LRP2: variants seen among roughly 807,000 people sequenced by gnomAD.
LRP2 encodes the protein LDL receptor related protein 2.
A neutral mutation model predicts 531.0 loss-of-function variants in LRP2; 172 were observed. The observed-to-expected ratio is 0.32, with a 90% CI of 0.29 to 0.37. The LOEUF is 0.37. LRP2 is among the 10% of genes least tolerant of loss of function. The probability of loss-of-function intolerance (pLI) is 1.00; values close to 1 mark genes in which losing one functional copy is unlikely to be tolerated. For synonymous variants in LRP2, 1,992 were observed against 2,027.6 expected (o/e 0.98, Z 0.47); for missense variants, 5,167 against 5,868.3 (o/e 0.88, Z 3.90).
rs775585972 is a variant in LRP2 at position 169,140,475 on chromosome 2, C to G, written c.13179G>C (p.Glu4393Asp). ...CTTACTTGCATTTGGGGAGGTCAGT[C>G]TCATCAAAATAGCAATTTCCTCCGT... ...CMHGGNCYFD[E>D]TDLPKCKCPS... is the part of the protein sequence containing the mutation. The change falls in exon 72 of 79, where the codon GAG becomes GAC. Residue 4393 changes from glutamate (E) to aspartate (D), a missense_variant. By Grantham distance (45) the Glu-to-Asp change is conservative. Transcript: ENST00000649046. 7 of 1,614,096 alleles carry G rather than the reference C, an allele frequency of 4.3e-6. No homozygotes were observed. Among genetic ancestry groups the G allele is most frequent in the East Asian group, 2.2e-5 (1 of 44,888 alleles).
rs200563635 is a variant in LRP2 at position 169,177,994 on chromosome 2, G to C, written c.10202C>G (p.Thr3401Arg). 59 of 1,613,942 alleles carry C rather than the reference G, an allele frequency of 3.7e-5. 1 individual carries two copies. Among genetic ancestry groups the C allele is most frequent in the South Asian group, 2.0e-4 (18 of 91,076 alleles). ...YSDLEGHHRH[T>R]VYDGALPHPF... ...GTGAGGCAGTGCCCCATCATACACC[G>C]TGTGTCGATGGTGGCCCTCCAAATC... Residue 3401 changes from threonine to arginine, a missense_variant, in exon 53 of 79, where the codon ACG (threonine) becomes AGG (arginine). Coordinates refer to ENST00000649046, the MANE Select transcript of LRP2 (RefSeq NM_004525.3).
intron 1 of LRP2, among the ~76,000 whole-genome samples, chr2:169,321,332 A>G (rs1327802505): frequency 2.0e-5 from 3 of 152,178 alleles, no homozygotes; most frequent in Non-Finnish European, 4.4e-5. Flanking sequence ...ATTTGTTTAC[A>G]TCTTTATATT....
intron 53 of LRP2, 24 bp from the exon 54 acceptor site, chr2:169,176,612 G>T: frequency 6.2e-7 from 1 of 1,607,292 alleles, no homozygotes; most frequent in South Asian, 1.1e-5. Flanking sequence ...AAGAAAATAT[G>T]TGTTCATTTG....
intron 67 of LRP2, among the ~76,000 whole-genome samples, chr2:169,152,561 C>T (rs1186815177): frequency 6.6e-6 from 1 of 152,070 alleles, no homozygotes; most frequent in African/African-American, 2.4e-5. Context: ...GACCTGGGTG[C>T]TTTCCCAATT....
At chr2:169,361,360 C>CTCTCTCTG (rs1686151143) in intron 1 of LRP2, among the ~76,000 whole-genome samples, 11 of 94,530 alleles carry the variant, frequency 1.2e-4, no homozygotes, top group South Asian at 3.2e-4. Context: ...GTCTCTCTCT[C>CTCTCTCTG]TCTCTCTCTC....
chr2:169,216,790 C>T (rs1301652911), intron 34 of LRP2, among the ~76,000 whole-genome samples: 1 of 152,124 alleles, frequency 6.6e-6, no homozygotes, highest in Non-Finnish European at 1.5e-5. Flanking sequence ...AAGGCCAAAG[C>T]TAATATAAAA....
chr2:169,178,152 C>T (rs1197411985), intron 52 of LRP2, 126 bp from the exon 53 acceptor site: 1 of 738,892 alleles, frequency 1.4e-6, no homozygotes, highest in Non-Finnish European at 2.4e-6. Context: ...TTCAGATCCT[C>T]AAAACTCCTA....
chr2:169,329,123 A>T (rs1243880419), intron 1 of LRP2, among the ~76,000 whole-genome samples: 1 of 152,366 alleles, frequency 6.6e-6, no homozygotes, highest in Middle Eastern at 3.4e-3. Flanking sequence ...GGCGAAAAAA[A>T]TAACACTACA....
intron 3 of LRP2, among the ~76,000 whole-genome samples, chr2:169,311,137 T>C (rs748337467): frequency 1.1e-4 from 17 of 152,126 alleles, no homozygotes; most frequent in Admixed American, 3.3e-4. Flanking sequence ...TTTGTTGATC[T>C]TTTCAAAAAA....
intron 49 of LRP2, among the ~76,000 whole-genome samples, chr2:169,186,343 G>A (rs906259754): frequency 7.9e-5 from 12 of 152,156 alleles, no homozygotes; most frequent in Admixed American, 7.9e-4. Flanking sequence ...GCATGTTCCA[G>A]TGTGACTGTT....
chr2:169,264,525 CA>C (rs1690713926), intron 16 of LRP2, among the ~76,000 whole-genome samples: 2 of 151,996 alleles, frequency 1.3e-5, no homozygotes, highest in African/African-American at 4.8e-5. Flanking sequence ...ATTGACAAAC[CA>C]AACATGTTTA....
chr2:169,198,687 A>G, intron 45 of LRP2, 99 bp downstream of exon 45: 1 of 1,417,138 alleles, frequency 7.1e-7, no homozygotes, highest in Non-Finnish European at 9.8e-7. Context: ...GTGAAATGAC[A>G]ATTGAAATCA....
At position 169,310,369 on chromosome 2, in the gene LRP2, C is replaced by T. The variant is rs185397935; in HGVS notation, c.311-2972G>A. Among the ~76,000 whole-genome samples, 397 of 152,216 alleles carry T rather than the reference C, an allele frequency of 2.6e-3. 2 individuals carry two copies. The highest frequency in any genetic ancestry group is 9.0e-3 in the African/African-American group (372 of 41,544). ...AAATAGCTCTTATTATTTTGAGATA[C>T]GTCCCATTGATACCTAATTTATTGA... On this transcript the variant is annotated intron_variant, in intron 3 of 78. Coordinates refer to ENST00000649046, the MANE Select transcript of LRP2 (RefSeq NM_004525.3).
chr2:169,198,794 G>A lies in LRP2; in HGVS notation c.8570C>T (p.Thr2857Ile). ...AGTTTTATCTTACTCACTGCAATAAGTAGGGTTTTCATCACTGTTATCTCC... is the reference window on the plus strand; with the variant it reads ...AGTTTTATCTTACTCACTGCAATAAATAGGGTTTTCATCACTGTTATCTCC... The part of the protein sequence containing the change: ...DCGDNSDENP[T>I]YCTTHTCSSS... The change falls in exon 45 of 79, where the codon ACT (threonine) becomes ATT (isoleucine). Residue 2857 changes from threonine to isoleucine, a missense_variant. Physicochemically the swap from Thr to Ile is moderately conservative, Grantham distance 89. Coordinates refer to ENST00000649046, the MANE Select transcript of LRP2 (RefSeq NM_004525.3). 6.2e-7 allele frequency: 1 copy of A among 1,613,734 alleles called. No homozygotes were observed. The highest frequency in any genetic ancestry group is 1.1e-5 in the South Asian group (1 of 91,072).
intron 16 of LRP2, among the ~76,000 whole-genome samples, chr2:169,261,630 A>G (rs1690557644): frequency 6.6e-6 from 1 of 152,116 alleles, no homozygotes; most frequent in Admixed American, 6.6e-5. Flanking sequence ...AGAGTCCAGG[A>G]CCAGATGGAT....
At chr2:169,278,065 C>T in intron 12 of LRP2, 114 bp from the exon 13 acceptor site, 1 of 830,700 alleles carries the variant, frequency 1.2e-6, no homozygotes. Flanking sequence ...ATTAGAGAAC[C>T]ACAGTATAAA....
At chr2:169,254,608 C>G (rs1312673101) in intron 19 of LRP2, among the ~76,000 whole-genome samples, 1 of 65,768 alleles carries the variant, frequency 1.5e-5, no homozygotes, top group African/African-American at 6.9e-5. Flanking sequence ...CTAACCTGCA[C>G]AATGTGCACA....
At chr2:169,186,197 C>T (rs751379385) in intron 49 of LRP2, among the ~76,000 whole-genome samples, 178 bp from the exon 50 acceptor site, 2 of 152,164 alleles carry the variant, frequency 1.3e-5, no homozygotes, top group Admixed American at 1.3e-4. Context: ...TCAACTTCCT[C>T]ACCAACTTAC....
intron 62 of LRP2, among the ~76,000 whole-genome samples, chr2:169,165,030 A>G (rs2105266023): frequency 6.6e-6 from 1 of 152,350 alleles, no homozygotes; most frequent in South Asian, 2.1e-4. Flanking sequence ...TCTGCCAGTA[A>G]TAATGATAAC....
Sources: allele counts gnomAD v4.1 joint callset (sites outside exome capture counted in the v4.1 genomes callset), GRCh38; gene constraint gnomAD v4.1.1; transcripts MANE v1.5; gene names NCBI Gene and HGNC (gene_info 2026-07-23, HGNC 2026-07-21).